XKR6: variants seen among roughly 807,000 people sequenced by gnomAD.
XKR6 encodes XK-related protein 6.
Under a neutral mutation model 56.7 loss-of-function variants are expected in XKR6, and 22 were observed. The observed-to-expected ratio is 0.39, with a 90% CI of 0.28 to 0.55. The LOEUF is 0.55. Among genes scored for constraint, XKR6 ranks in the 20% least tolerant of loss-of-function variants. The pLI, the probability that XKR6 is intolerant of heterozygous loss-of-function variation, is 0.66. For missense variants in XKR6, 852 were observed against 889.0 expected (o/e 0.96, Z 0.53); for synonymous variants, 524 against 387.8 (o/e 1.35, Z -4.13).
At chr8:11,112,411 G>C (rs1362740106) in intron 1 of XKR6, among the ~76,000 whole-genome samples, 1 of 149,340 alleles carries the variant, frequency 6.7e-6, no homozygotes, top group Non-Finnish European at 1.5e-5. Flanking sequence ...GGCCTTTTTT[G>C]AAAAAGAAAA....
intron 1 of XKR6, among the ~76,000 whole-genome samples, chr8:11,136,439 G>C (rs1800402699): frequency 6.6e-6 from 1 of 151,922 alleles, no homozygotes; most frequent in African/African-American, 2.4e-5. Flanking sequence ...GGGGGGCGGA[G>C]GTTGTGGTGA....
chr8:10,923,694 C>T (rs144997364), intron 2 of XKR6, among the ~76,000 whole-genome samples: 1 of 152,208 alleles, frequency 6.6e-6, no homozygotes, highest in Non-Finnish European at 1.5e-5. Context: ...GTGTGGGTGT[C>T]CATGAACGTG....
intron 2 of XKR6, among the ~76,000 whole-genome samples, chr8:10,919,072 G>C (rs761493901): frequency 1.9e-4 from 29 of 152,114 alleles, no homozygotes; most frequent in Admixed American, 4.6e-4. Context: ...CAAGCTCCTG[G>C]GGTCCCCTAT....
At chr8:11,110,873 G>A (rs1015158437) in intron 1 of XKR6, among the ~76,000 whole-genome samples, 1 of 151,088 alleles carries the variant, frequency 6.6e-6, no homozygotes, top group Non-Finnish European at 1.5e-5. Flanking sequence ...GTCTTGCTCT[G>A]TTGCCCAGGC....
At chr8:11,099,222 C>A (rs1798376552) in intron 1 of XKR6, among the ~76,000 whole-genome samples, 1 of 152,220 alleles carries the variant, frequency 6.6e-6, no homozygotes, top group African/African-American at 2.4e-5. Context: ...GGGCAATCGT[C>A]CAACCAAAGT....
At chr8:11,072,162 T>A (rs1800147143) in intron 1 of XKR6, among the ~76,000 whole-genome samples, 1 of 152,048 alleles carries the variant, frequency 6.6e-6, no homozygotes, top group Non-Finnish European at 1.5e-5. Flanking sequence ...GTACAGCCAA[T>A]ACCGTCCTCT....
chr8:11,140,788 C>G (rs1389472178), intron 1 of XKR6, among the ~76,000 whole-genome samples: 1 of 151,172 alleles, frequency 6.6e-6, no homozygotes, highest in African/African-American at 2.4e-5. Context: ...GTCCCAGCTA[C>G]TCGGGAGGCT....
chr8:10,907,682 T>C (rs1289947433), intron 2 of XKR6, among the ~76,000 whole-genome samples: 1 of 152,210 alleles, frequency 6.6e-6, no homozygotes, highest in East Asian at 1.9e-4. Context: ...TCTCTCTCCA[T>C]CCTCAACCAC....
intron 1 of XKR6, among the ~76,000 whole-genome samples, chr8:10,980,907 TG>T (rs1482389754): frequency 1.3e-5 from 2 of 152,076 alleles, no homozygotes; most frequent in Admixed American, 6.6e-5. Context: ...TCATGACTGA[TG>T]GGCTGCAGGC....
At chr8:11,093,054 T>C (rs577086268) in intron 1 of XKR6, among the ~76,000 whole-genome samples, 8 of 133,834 alleles carry the variant, frequency 6.0e-5, no homozygotes, top group African/African-American at 2.4e-4. Flanking sequence ...CTCTTTCTTT[T>C]TCTTTTCTTT....
intron 1 of XKR6, among the ~76,000 whole-genome samples, chr8:10,974,499 G>C (rs2129134923): frequency 6.6e-6 from 1 of 152,314 alleles, no homozygotes; most frequent in Non-Finnish European, 1.5e-5. Flanking sequence ...CACGGACCCT[G>C]CCAGACTCTA....
intron 1 of XKR6, among the ~76,000 whole-genome samples, chr8:11,007,620 CT>C (rs1798400138): frequency 6.6e-6 from 1 of 152,172 alleles, no homozygotes; most frequent in Non-Finnish European, 1.5e-5. Flanking sequence ...GAGGAGTCAG[CT>C]CTTCCCTCTC....
intron 1 of XKR6, among the ~76,000 whole-genome samples, chr8:11,014,001 T>C (rs1458689898): frequency 6.6e-6 from 1 of 152,210 alleles, no homozygotes; most frequent in Middle Eastern, 3.2e-3. Context: ...CAAACGTGCC[T>C]TTACTCGCAC....
rs181573075 is a variant in XKR6, at chr8:11,019,917, G to T, written c.765-95087C>A. Among the ~76,000 whole-genome samples the T allele has an allele frequency of 2.0e-5, 3 of 152,292 alleles. No individual in the cohort carries two copies. In the South Asian group the frequency reaches 6.2e-4, roughly 32 times the overall value. The stretch of plus-strand genomic sequence containing the variant: ...GCTCACTTCCCAGCCGGGCCAGAGT[G>T]GGGCAGAGAGGCGGCAGGCTATAAA... On this transcript the variant is annotated intron_variant, in intron 1 of 2. Coordinates refer to ENST00000416569, the MANE Select transcript of XKR6 (RefSeq NM_173683.4).
intron 1 of XKR6, among the ~76,000 whole-genome samples, chr8:11,125,094 AAAAAAAAAAGAAAAAGAAAAG>A (rs1451787890): frequency 6.7e-6 from 1 of 150,274 alleles, no homozygotes; most frequent in Non-Finnish European, 1.5e-5. Context: ...GTCTCAAAAA[AAAAAAAAAAGAAAAAGAAAAG>A]AAAAAAAAAG....
chr8:11,181,553 G>C (rs554031440), intron 1 of XKR6, among the ~76,000 whole-genome samples: 1 of 152,250 alleles, frequency 6.6e-6, no homozygotes, highest in African/African-American at 2.4e-5. Flanking sequence ...TTTATTTGGA[G>C]AATTTATTAA....
At chr8:11,110,093 C>T (rs1453804277) in intron 1 of XKR6, among the ~76,000 whole-genome samples, 1 of 152,136 alleles carries the variant, frequency 6.6e-6, no homozygotes, top group Admixed American at 6.5e-5. Context: ...CTGCCTTAGC[C>T]TCCTGAGTAG....
chr8:10,902,664 CT>C (rs1800069282), intron 2 of XKR6, among the ~76,000 whole-genome samples: 1 of 152,232 alleles, frequency 6.6e-6, no homozygotes, highest in South Asian at 2.1e-4. Flanking sequence ...AGGCCATATC[CT>C]TGACACTGTG....
At position 11,071,715 on chromosome 8, in the gene XKR6, C is replaced by T. The variant is rs147507781; in HGVS notation, c.764+128861G>A. Among the ~76,000 whole-genome samples, 449 of 152,192 alleles carry T rather than the reference C, an allele frequency of 3.0e-3. 3 individuals are homozygous for T. Among genetic ancestry groups the T allele is most frequent in the African/African-American group, 0.011 (436 of 41,520 alleles). On this transcript the variant is annotated intron_variant, in intron 1 of 2. Coordinates refer to ENST00000416569, the MANE Select transcript of XKR6 (RefSeq NM_173683.4). ...CTATGAGCCCCGAGTCTATGAGCCC[C>T]AAGTCTATGTTGTTTGTTATGATGG...
Sources: gnomAD v4.1 joint callset for allele counts (sites outside exome capture counted in the v4.1 genomes callset) on GRCh38, gnomAD v4.1.1 for gene constraint, MANE v1.5 for transcripts, NCBI Gene and HGNC (gene_info 2026-07-23, HGNC 2026-07-21) for gene names.